The following NTM variants were observed in gnomAD, a reference collection of about 807,000 sequenced individuals.
NTM encodes neurotrimin.
NTM carries 13 observed loss-of-function variants against 42.1 expected under a neutral mutation model. That is an observed-to-expected ratio of 0.31 (90% CI 0.20 to 0.49). NTM has a LOEUF of 0.49. NTM is among the 20% of genes least tolerant of loss of function. NTM has a pLI of 0.99. For synonymous variants in NTM, 187 were observed against 179.2 expected (o/e 1.04, Z -0.35); for missense variants, 373 against 452.8 (o/e 0.82, Z 1.60).
At chr11:131,447,682 C>T (rs931611667) in intron 1 of NTM, among the ~76,000 whole-genome samples, 1 of 152,164 alleles carries the variant, frequency 6.6e-6, no homozygotes, top group Non-Finnish European at 1.5e-5. Context: ...TTAATTTCCC[C>T]GTCTGCTCTT....
chr11:132,232,333 G>A (rs564932628), intron 4 of NTM, among the ~76,000 whole-genome samples: 41 of 152,276 alleles, frequency 2.7e-4, no homozygotes, highest in African/African-American at 9.1e-4. Flanking sequence ...CAAAGAGTGT[G>A]GGGAAGCTGA....
At chr11:131,976,113 C>CTCCTTCCTTCCTTCCTTCCTTCCT (rs1329274388) in intron 2 of NTM, among the ~76,000 whole-genome samples, 6 of 67,254 alleles carry the variant, frequency 8.9e-5, no homozygotes, top group African/African-American at 2.8e-4. Flanking sequence ...CCCTCCCTCC[C>CTCCTTCCTTCCTTCCTTCCTTCCT]TCATTCCTTC....
intron 3 of NTM, among the ~76,000 whole-genome samples, chr11:132,171,991 TG>T (rs1400409028): frequency 6.6e-6 from 1 of 152,194 alleles, no homozygotes; most frequent in African/African-American, 2.4e-5. Flanking sequence ...CATGTGGCCT[TG>T]GCCTATATTG....
chr11:131,838,962 CTTT>C (rs552384739), intron 1 of NTM, among the ~76,000 whole-genome samples: 7 of 137,046 alleles, frequency 5.1e-5, no homozygotes, highest in Non-Finnish European at 3.2e-5. Flanking sequence ...AGTAAATAAT[CTTT>C]TTTTTTTTTT....
At chr11:131,430,954 G>T (rs12574829) in intron 1 of NTM, among the ~76,000 whole-genome samples, 2 of 152,156 alleles carry the variant, frequency 1.3e-5, no homozygotes, top group Non-Finnish European at 2.9e-5. Flanking sequence ...TTTCCCACCC[G>T]CCAGGCTGTC....
chr11:132,069,927 A>T (rs1229849029), intron 2 of NTM, among the ~76,000 whole-genome samples: 1 of 146,684 alleles, frequency 6.8e-6, no homozygotes, highest in Non-Finnish European at 1.5e-5. Flanking sequence ...CGTCAAACTG[A>T]CCATCACAGG....
At chr11:131,915,459 A>G (rs140335998) in intron 2 of NTM, among the ~76,000 whole-genome samples, 272 of 152,286 alleles carry the variant, frequency 1.8e-3, no homozygotes, top group Non-Finnish European at 2.7e-3. Flanking sequence ...TGCTTACTCA[A>G]ACAAAATGAA....
At chr11:132,317,607 T>C in intron 7 of NTM, 4 of 1,134,564 alleles carry the variant, frequency 3.5e-6, no homozygotes, top group Non-Finnish European at 4.8e-6. Context: ...ATATAATATA[T>C]GTGTTTGTTC....
chr11:131,700,662 A>G (rs2075981266), intron 1 of NTM, among the ~76,000 whole-genome samples: 1 of 152,238 alleles, frequency 6.6e-6, no homozygotes, highest in African/African-American at 2.4e-5. Flanking sequence ...ATCCTGTTGG[A>G]TGCCTTCCAG....
intron 1 of NTM, among the ~76,000 whole-genome samples, chr11:131,399,610 A>G (rs1168408277): frequency 6.6e-6 from 1 of 152,012 alleles, no homozygotes; most frequent in African/African-American, 2.4e-5. Context: ...CTAATCCTAT[A>G]CTCTTACCCT....
At chr11:131,905,601 C>T (rs141083691) in intron 1 of NTM, among the ~76,000 whole-genome samples, 196 of 152,200 alleles carry the variant, frequency 1.3e-3, no homozygotes, top group African/African-American at 4.6e-3. Context: ...CTTCCAGGCA[C>T]GATGAGAATC....
intron 1 of NTM, among the ~76,000 whole-genome samples, chr11:131,401,100 G>A (rs1333917229): frequency 6.6e-6 from 1 of 151,004 alleles, no homozygotes; most frequent in Admixed American, 6.6e-5. Flanking sequence ...GTGGAAAGGA[G>A]AAAGCAAGAG....
chr11:132,106,836 G>A (rs1188460935), intron 2 of NTM, among the ~76,000 whole-genome samples: 1 of 152,144 alleles, frequency 6.6e-6, no homozygotes, highest in East Asian at 1.9e-4. Context: ...AAAGCCCAGA[G>A]GTGTACTGCC....
chr11:131,633,955 G>A (rs2064043671), intron 1 of NTM, among the ~76,000 whole-genome samples: 1 of 152,056 alleles, frequency 6.6e-6, no homozygotes, highest in African/African-American at 2.4e-5. Context: ...CTCAGACAAT[G>A]CATATTAGGG....
chr11:132,271,041 A>G (rs1051614954), intron 4 of NTM, among the ~76,000 whole-genome samples: 1 of 152,074 alleles, frequency 6.6e-6, no homozygotes, highest in Non-Finnish European at 1.5e-5. Context: ...CCCAACAGAA[A>G]CCCATACCTT....
chr11:131,541,630 G>T (rs2053273939), intron 1 of NTM, among the ~76,000 whole-genome samples: 3 of 152,184 alleles, frequency 2.0e-5, no homozygotes, highest in South Asian at 2.1e-4. Context: ...CTGTAGAATA[G>T]TTGCTAGATT....
intron 1 of NTM, among the ~76,000 whole-genome samples, chr11:131,475,492 G>A (rs1373283402): frequency 6.6e-6 from 1 of 151,726 alleles, no homozygotes; most frequent in African/African-American, 2.4e-5. Flanking sequence ...ATTGCCCTGA[G>A]GAGGAGGAGG....
intron 1 of NTM, among the ~76,000 whole-genome samples, chr11:131,405,633 AC>A (rs1263555560): frequency 1.3e-5 from 2 of 152,004 alleles, no homozygotes; most frequent in African/African-American, 2.4e-5. Flanking sequence ...CTCATTTTCA[AC>A]CCATCCTTTA....
chr11:131,627,554 G>A (rs544925316), intron 1 of NTM, among the ~76,000 whole-genome samples: 4 of 152,170 alleles, frequency 2.6e-5, no homozygotes, highest in Admixed American at 2.0e-4. Context: ...TCATCTGGGC[G>A]GGCAAGGTGG....
Sources: gnomAD v4.1 joint callset for allele counts (sites outside exome capture counted in the v4.1 genomes callset) on GRCh38, gnomAD v4.1.1 for gene constraint, MANE v1.5 for transcripts, NCBI Gene and HGNC (gene_info 2026-07-23, HGNC 2026-07-21) for gene names.